The following ADAMTSL1 variants were observed in gnomAD, a reference collection of about 807,000 sequenced individuals.
The protein encoded by ADAMTSL1 is ADAMTS like 1.
In ADAMTSL1, 126 loss-of-function variants were observed where a neutral mutation model predicts 201.8. That is an observed-to-expected ratio of 0.62 (90% confidence interval 0.54 to 0.72). ADAMTSL1 has a LOEUF of 0.72. Among genes scored for constraint, ADAMTSL1 ranks in the 30% least tolerant of loss-of-function variants. ADAMTSL1 has a pLI of 0.00. For synonymous variants in ADAMTSL1, 1,121 were observed against 903.4 expected, an observed-to-expected ratio of 1.24 and a Z score of -4.32; for missense variants, 2,679 against 2,277.8, an observed-to-expected ratio of 1.18 and a Z score of -3.59.
At chr9:18,757,871 CTGGTGTCATT>C (rs1819863063) in intron 16 of ADAMTSL1, among the ~76,000 whole-genome samples, 1 of 152,174 alleles carries the variant, frequency 6.6e-6, no homozygotes, top group South Asian at 2.1e-4. Context: ...GCCCATTCTG[CTGGTGTCATT>C]TATTGAATAC....
chr9:17,919,269 A>C (rs926261883), intron 1 of ADAMTSL1, among the ~76,000 whole-genome samples: 2 of 151,914 alleles, frequency 1.3e-5, no homozygotes, highest in Admixed American at 6.6e-5. Context: ...TTTGTAAAAA[A>C]AAAAAGCTTT....
chr9:18,114,990 AG>A (rs1825190301), intron 1 of ADAMTSL1, among the ~76,000 whole-genome samples: 1 of 152,182 alleles, frequency 6.6e-6, no homozygotes, highest in Non-Finnish European at 1.5e-5. Context: ...TGAATTCGTT[AG>A]TTGTCAATGA....
chr9:18,763,392 T>C (rs911439218), intron 16 of ADAMTSL1, among the ~76,000 whole-genome samples: 6 of 152,218 alleles, frequency 3.9e-5, no homozygotes, highest in Admixed American at 3.9e-4. Flanking sequence ...TTATATATTC[T>C]GGTTATTACT....
intron 19 of ADAMTSL1, among the ~76,000 whole-genome samples, chr9:18,790,783 T>G (rs1219495166): frequency 6.6e-6 from 1 of 152,112 alleles, no homozygotes; most frequent in Non-Finnish European, 1.5e-5. Flanking sequence ...TGGCTAGAAG[T>G]AGGGTCAAAG....
chr9:18,844,882 C>T (rs533237983), intron 23 of ADAMTSL1, among the ~76,000 whole-genome samples: 45 of 152,306 alleles, frequency 3.0e-4, no homozygotes, highest in African/African-American at 9.1e-4. Flanking sequence ...GTTTTTTAAG[C>T]CTGTCGGAAA....
chr9:18,613,607 C>T (rs1231138148), intron 4 of ADAMTSL1, among the ~76,000 whole-genome samples: 3 of 152,056 alleles, frequency 2.0e-5, no homozygotes, highest in Admixed American at 2.0e-4. Flanking sequence ...CAAACTGACA[C>T]AAGAACAAAA....
intron 13 of ADAMTSL1, among the ~76,000 whole-genome samples, chr9:18,702,030 A>G (rs1831953140): frequency 6.6e-6 from 1 of 152,168 alleles, no homozygotes; most frequent in Non-Finnish European, 1.5e-5. Flanking sequence ...GGCAAGGAGG[A>G]GCAAGTCACA....
At chr9:18,731,526 G>A (rs1564189508) in intron 15 of ADAMTSL1, among the ~76,000 whole-genome samples, 1 of 152,142 alleles carries the variant, frequency 6.6e-6, no homozygotes. Context: ...AGCTACTCAA[G>A]AGACCGAGGT....
chr9:18,213,318 C>T (rs1261655179), intron 2 of ADAMTSL1, among the ~76,000 whole-genome samples: 3 of 152,286 alleles, frequency 2.0e-5, no homozygotes, highest in Admixed American at 2.0e-4. Context: ...TTCATTGGAA[C>T]TGTGATGATA....
intron 1 of ADAMTSL1, among the ~76,000 whole-genome samples, chr9:17,948,725 G>A (rs1588462915): frequency 1.3e-5 from 2 of 152,142 alleles, no homozygotes; most frequent in Non-Finnish European, 2.9e-5. Context: ...AAAGAAACTG[G>A]AAACTAGTTA....
intron 9 of ADAMTSL1, among the ~76,000 whole-genome samples, chr9:18,666,167 G>T (rs1050849170): frequency 6.6e-5 from 10 of 152,132 alleles, no homozygotes; most frequent in Non-Finnish European, 1.3e-4. Flanking sequence ...CATGCTGGCT[G>T]CCCAGCAGTT....
At position 18,239,684 on chromosome 9, in the gene ADAMTSL1, G is replaced by A. The variant is rs571887865; in HGVS notation, c.207+75703G>A. Among the ~76,000 whole-genome samples the A allele has an allele frequency of 8.3e-4, 126 of 152,224 alleles. 2 individuals are homozygous for A. The South Asian group carries it at 0.019, about 23-fold the overall frequency. On this transcript the variant is annotated intron_variant, in intron 2 of 29. Transcript: ENST00000680146. ...AATTGCTTGAACCCAAGAGGCAGGG[G>A]TTGCAGTGAGCTGAGATCATGCCAC...
At chr9:18,402,772 T>C (rs1563937004) in intron 2 of ADAMTSL1, among the ~76,000 whole-genome samples, 1 of 152,168 alleles carries the variant, frequency 6.6e-6, no homozygotes, top group Non-Finnish European at 1.5e-5. Context: ...AAAGCTGAAC[T>C]TAGACACCAT....
chr9:18,017,021 T>C (rs1210744008), intron 1 of ADAMTSL1, among the ~76,000 whole-genome samples: 1 of 152,056 alleles, frequency 6.6e-6, no homozygotes, highest in East Asian at 1.9e-4. Context: ...ACTGGATACT[T>C]TCCCTTCTCT....
At chr9:17,919,227 CATT>C (rs927854207) in intron 1 of ADAMTSL1, among the ~76,000 whole-genome samples, 1 of 150,244 alleles carries the variant, frequency 6.7e-6, no homozygotes, top group African/African-American at 2.5e-5. Flanking sequence ...CCAAGTAGTA[CATT>C]ATTATTATTT....
intron 20 of ADAMTSL1, among the ~76,000 whole-genome samples, chr9:18,816,014 A>G (rs1316285844): frequency 1.3e-5 from 2 of 152,152 alleles, no homozygotes; most frequent in African/African-American, 4.8e-5. Context: ...GACATTCAAA[A>G]TCCTTTCCCC....
intron 23 of ADAMTSL1, among the ~76,000 whole-genome samples, chr9:18,885,820 G>A (rs1332291623): frequency 6.6e-6 from 1 of 152,096 alleles, no homozygotes; most frequent in Non-Finnish European, 1.5e-5. Context: ...CAAGTAGCAG[G>A]TATGGGGGAA....
chr9:18,612,988 G>T (rs1228596775), intron 4 of ADAMTSL1, among the ~76,000 whole-genome samples: 1 of 152,060 alleles, frequency 6.6e-6, no homozygotes, highest in Non-Finnish European at 1.5e-5. Context: ...CTAACATCCA[G>T]CATCTATAAG....
At chr9:18,011,848 C>T (rs1820065176) in intron 1 of ADAMTSL1, among the ~76,000 whole-genome samples, 1 of 151,938 alleles carries the variant, frequency 6.6e-6, no homozygotes. Context: ...CACAATACAA[C>T]CCATGAGTTG....
Sources: gnomAD v4.1 joint callset for allele counts (sites outside exome capture counted in the v4.1 genomes callset) on GRCh38, gnomAD v4.1.1 for gene constraint, MANE v1.5 for transcripts, NCBI Gene and HGNC (gene_info 2026-07-23, HGNC 2026-07-21) for gene names.